The following NR1I2 variants were observed in gnomAD, a reference collection of about 807,000 sequenced individuals.
The protein encoded by NR1I2 is nuclear receptor subfamily 1 group I member 2.
A neutral mutation model predicts 43.3 loss-of-function variants in NR1I2; 42 were observed. The ratio of observed to expected loss-of-function variants is 0.97; its 90% CI spans 0.76 to 1.26. The LOEUF is 1.26. NR1I2 is among the 50% of genes most tolerant of loss of function. The pLI is 0.00. For synonymous variants in NR1I2, 229 were observed against 215.0 expected (o/e 1.06, Z -0.57); for missense variants, 559 against 566.7 (o/e 0.99, Z 0.14).
intron 1 of NR1I2, among the ~76,000 whole-genome samples, chr3:119,786,535 C>T (rs1242753864): frequency 5.9e-5 from 9 of 152,072 alleles, no homozygotes; most frequent in Non-Finnish European, 2.9e-5. Context: ...ACTATAAAAC[C>T]ACAGGCAACA....
chr3:119,787,521 A>G (rs572473088), intron 1 of NR1I2, among the ~76,000 whole-genome samples: 7 of 152,250 alleles, frequency 4.6e-5, no homozygotes, highest in Non-Finnish European at 7.4e-5. Context: ...AAATTCACCA[A>G]ACGTCTCCCT....
At chr3:119,805,706 C>CA (rs2055147907) in intron 1 of NR1I2, among the ~76,000 whole-genome samples, 1 of 31,882 alleles carries the variant, frequency 3.1e-5, no homozygotes, top group Non-Finnish European at 1.6e-4. Context: ...TGGTCCCCCC[C>CA]TCCCCCCCAC....
chr3:119,791,871 G>T, intron 1 of NR1I2: 1 of 590,792 alleles, frequency 1.7e-6, no homozygotes, highest in Non-Finnish European at 3.2e-6. Context: ...GGCCTTAGCT[G>T]TTGCAGAAGG....
At chr3:119,808,389 C>T (rs1301774510) in intron 2 of NR1I2, among the ~76,000 whole-genome samples, 1 of 152,200 alleles carries the variant, frequency 6.6e-6, no homozygotes, top group Non-Finnish European at 1.5e-5. Context: ...CCCAGGAGTC[C>T]CCTCACATTG....
chr3:119,798,967 G>A (rs1308607518), intron 1 of NR1I2, among the ~76,000 whole-genome samples: 1 of 152,160 alleles, frequency 6.6e-6, no homozygotes, highest in Non-Finnish European at 1.5e-5. Context: ...TATGTGGGTC[G>A]GGTTTTGGGC....
At chr3:119,802,604 G>A (rs2055096572) in intron 1 of NR1I2, among the ~76,000 whole-genome samples, 1 of 152,180 alleles carries the variant, frequency 6.6e-6, no homozygotes, top group Non-Finnish European at 1.5e-5. Context: ...GCTCCTGAAT[G>A]ATGCTGAAAA....
rs1272413279 is a variant in NR1I2, at chr3:119,810,203, T to C, written c.331+9T>C. 1.3e-6 allele frequency: 2 copies of C among 1,592,440 alleles called. No individual in the cohort carries two copies. Among genetic ancestry groups the C allele is most frequent in the Non-Finnish European group, 1.7e-6 (2 of 1,169,604 alleles). On this transcript the variant is annotated intron_variant, in intron 3 of 8. Coordinates refer to ENST00000393716, the MANE Select transcript of NR1I2 (RefSeq NM_003889.4). ...CGGCATGAAGAAGGAGAGTGAGCAG[T>C]GGGCGCGCGGGCGGGCCGGCGCCGG...
chr3:119,796,246 G>A (rs184483699), intron 1 of NR1I2, among the ~76,000 whole-genome samples: 1 of 152,238 alleles, frequency 6.6e-6, no homozygotes, highest in East Asian at 1.9e-4. Context: ...TTAATCCCCT[G>A]TTGATCAGAA....
intron 8 of NR1I2, among the ~76,000 whole-genome samples, chr3:119,816,827 GAAAA>G (rs10714748): frequency 2.3e-5 from 3 of 131,816 alleles, no homozygotes; most frequent in Non-Finnish European, 5.0e-5. Flanking sequence ...TCCCTTTAAA[GAAAA>G]AAAAAAAAAA....
chr3:119,789,399 C>T (rs2054887388), intron 1 of NR1I2, among the ~76,000 whole-genome samples: 1 of 152,134 alleles, frequency 6.6e-6, no homozygotes, highest in Admixed American at 6.6e-5. Flanking sequence ...TGGTGGAAGG[C>T]AAACGGCATG....
At chr3:119,782,679 A>T in intron 1 of NR1I2, 1 of 1,036,692 alleles carries the variant, frequency 9.6e-7, no homozygotes, top group Non-Finnish European at 1.5e-6. Flanking sequence ...GGACTATGGG[A>T]ACTGGGATCA....
intron 1 of NR1I2, among the ~76,000 whole-genome samples, chr3:119,796,793 A>G (rs759485359): frequency 4.6e-5 from 7 of 152,296 alleles, no homozygotes; most frequent in East Asian, 1.9e-4. Flanking sequence ...GCCCTGCCAG[A>G]TCTGTCTATG....
At chr3:119,792,546 C>T in intron 1 of NR1I2, 1 of 983,270 alleles carries the variant, frequency 1.0e-6, no homozygotes. Flanking sequence ...CTCCAGCTGC[C>T]CCAGTGAGGG....
chr3:119,792,275 C>T (rs1339203177), intron 1 of NR1I2: 94 of 1,533,436 alleles, frequency 6.1e-5, no homozygotes, highest in Admixed American at 4.4e-4. Flanking sequence ...AGGTGAGCGA[C>T]GACCTTATGG....
chr3:119,798,769 A>G lies in NR1I2; in HGVS notation c.-22-8460A>G, dbSNP rs113102218. On this transcript the variant is annotated intron_variant, in intron 1 of 8. Coordinates refer to ENST00000393716, the MANE Select transcript of NR1I2 (RefSeq NM_003889.4). The stretch of plus-strand genomic sequence containing the variant: ...CTCTATGGATTTGCCTTTCCTGGAC[A>G]TTTAATATAAGCGGAACTATACAAA... Among the ~76,000 whole-genome samples the G allele has an allele frequency of 5.0e-3, 767 of 152,318 alleles. 3 individuals carry two copies. The highest frequency in any genetic ancestry group is 6.7e-3 in the Non-Finnish European group (459 of 68,030).
chr3:119,799,180 C>G (rs573652236), intron 1 of NR1I2, among the ~76,000 whole-genome samples: 1 of 152,176 alleles, frequency 6.6e-6, no homozygotes, highest in Non-Finnish European at 1.5e-5. Context: ...GGCTCAGTTT[C>G]TCCACATTAT....
At chr3:119,784,794 T>C (rs1310326675) in intron 1 of NR1I2, among the ~76,000 whole-genome samples, 1 of 152,212 alleles carries the variant, frequency 6.6e-6, no homozygotes, top group Non-Finnish European at 1.5e-5. Flanking sequence ...AATTCCCACT[T>C]ACACATGTCC....
At chr3:119,801,915 A>G (rs138580680) in intron 1 of NR1I2, among the ~76,000 whole-genome samples, 1 of 152,120 alleles carries the variant, frequency 6.6e-6, no homozygotes, top group African/African-American at 2.4e-5. Flanking sequence ...GCCTCTCCGC[A>G]TGGTCTCTTT....
At chr3:119,785,223 T>G (rs180752040) in intron 1 of NR1I2, among the ~76,000 whole-genome samples, 1 of 152,346 alleles carries the variant, frequency 6.6e-6, no homozygotes, top group East Asian at 1.9e-4. Flanking sequence ...TCCTAGGAAT[T>G]CTTGTCATGT....
Sources: gnomAD v4.1 joint callset for allele counts (sites outside exome capture counted in the v4.1 genomes callset) on GRCh38, gnomAD v4.1.1 for gene constraint, MANE v1.5 for transcripts, NCBI Gene and HGNC (gene_info 2026-07-23, HGNC 2026-07-21) for gene names.